Variants in FNDC3B observed in about 807,000 individuals in gnomAD.
FNDC3B encodes the protein fibronectin type III domain-containing protein 3B.
FNDC3B carries 12 observed loss-of-function variants against 151.5 expected under a neutral mutation model. That is an observed-to-expected ratio of 0.08 (90% CI 0.05 to 0.13). The LOEUF is 0.13. FNDC3B is among the 10% of genes least tolerant of loss of function. The pLI is 1.00. For missense variants in FNDC3B, 1,214 were observed against 1,505.3 expected (o/e 0.81, Z 3.20); for synonymous variants, 528 against 549.0 (o/e 0.96, Z 0.54).
intron 3 of FNDC3B, among the ~76,000 whole-genome samples, chr3:172,188,072 T>C (rs184400517): frequency 6.6e-6 from 1 of 150,840 alleles, no homozygotes. Context: ...CTCGGCTCAC[T>C]GCAACCTCCG....
At chr3:172,324,376 C>T (rs1006095782) in intron 11 of FNDC3B, among the ~76,000 whole-genome samples, 1 of 152,118 alleles carries the variant, frequency 6.6e-6, no homozygotes, top group African/African-American at 2.4e-5. Flanking sequence ...TGCTCTCAGG[C>T]TAGGTCTGGG....
At chr3:172,265,898 C>T (rs1289595351) in intron 6 of FNDC3B, among the ~76,000 whole-genome samples, 1 of 152,192 alleles carries the variant, frequency 6.6e-6, no homozygotes, top group East Asian at 1.9e-4. Flanking sequence ...GATGTTCCCT[C>T]AGCATTTCTG....
At chr3:172,390,990 G>A (rs550719258) in intron 25 of FNDC3B, among the ~76,000 whole-genome samples, 6 of 152,184 alleles carry the variant, frequency 3.9e-5, no homozygotes, top group Non-Finnish European at 7.4e-5. Context: ...ACCTGGACCC[G>A]GTGTCACACT....
intron 6 of FNDC3B, among the ~76,000 whole-genome samples, chr3:172,261,662 TG>T (rs956496039): frequency 1.3e-5 from 2 of 152,324 alleles, no homozygotes; most frequent in African/African-American, 4.8e-5. Context: ...GAAAGGTCCC[TG>T]GGAAACAACA....
chr3:172,240,184 T>C (rs139045373), intron 4 of FNDC3B, among the ~76,000 whole-genome samples: 1 of 152,310 alleles, frequency 6.6e-6, no homozygotes, highest in African/African-American at 2.4e-5. Flanking sequence ...TTTTAGTTCT[T>C]ATACACAAAA....
chr3:172,169,307 A>C (rs1723174443), intron 3 of FNDC3B, among the ~76,000 whole-genome samples: 1 of 152,190 alleles, frequency 6.6e-6, no homozygotes, highest in Non-Finnish European at 1.5e-5. Context: ...GGCGCTCCGG[A>C]ATGTGCTGCA....
intron 6 of FNDC3B, among the ~76,000 whole-genome samples, chr3:172,285,078 C>T (rs1467947529): frequency 1.3e-5 from 2 of 152,014 alleles, no homozygotes; most frequent in Non-Finnish European, 2.9e-5. Flanking sequence ...CTAATTATTG[C>T]CCCACCCCCA....
intron 1 of FNDC3B, among the ~76,000 whole-genome samples, chr3:172,093,094 A>T (rs1286485034): frequency 1.6e-4 from 24 of 151,666 alleles, no homozygotes; most frequent in Admixed American, 1.6e-3. Context: ...CTGGGATTAC[A>T]GGCATGAGCC....
rs75676516 is a variant in FNDC3B at position 172,388,247 on chromosome 3, A to G, written c.3303+7154A>G. ...CACCCTTCCCAAAAAGCTCCCTGTTATTTACAGGATTTCAACTATGCAGCA... is the reference window on the plus strand; with the variant it reads ...CACCCTTCCCAAAAAGCTCCCTGTTGTTTACAGGATTTCAACTATGCAGCA... On this transcript the variant is annotated intron_variant, in intron 25 of 25. Transcript: ENST00000415807. Among the ~76,000 whole-genome samples the G allele has an allele frequency of 2.3e-3, 349 of 152,230 alleles. 10 individuals carry two copies. In the East Asian group the frequency reaches 0.04, roughly 17 times the overall value.
At chr3:172,221,771 G>T (rs944344175) in intron 3 of FNDC3B, among the ~76,000 whole-genome samples, 1 of 152,038 alleles carries the variant, frequency 6.6e-6, no homozygotes, top group Non-Finnish European at 1.5e-5. Context: ...CACCATGAAT[G>T]ATTGCAGATT....
chr3:172,368,779 G>A (rs903486635), intron 23 of FNDC3B, among the ~76,000 whole-genome samples: 5 of 152,190 alleles, frequency 3.3e-5, no homozygotes, highest in East Asian at 1.9e-4. Context: ...GGAAGGCCGA[G>A]GCAGATGCGT....
intron 23 of FNDC3B, among the ~76,000 whole-genome samples, chr3:172,367,604 G>A (rs146205317): frequency 6.6e-6 from 1 of 152,302 alleles, no homozygotes; most frequent in Non-Finnish European, 1.5e-5. Flanking sequence ...TGCATTTTAA[G>A]ATTGTAGCAC....
intron 2 of FNDC3B, among the ~76,000 whole-genome samples, chr3:172,114,746 G>A (rs978866679): frequency 1.3e-5 from 2 of 151,988 alleles, no homozygotes; most frequent in Non-Finnish European, 2.9e-5. Context: ...ACAAAAACCC[G>A]CATTTTTATT....
chr3:172,247,970 C>A (rs149695469), intron 5 of FNDC3B, among the ~76,000 whole-genome samples, 194 bp downstream of exon 5: 111 of 152,208 alleles, frequency 7.3e-4, no homozygotes, highest in African/African-American at 2.0e-3. Flanking sequence ...GGGTTTAGTT[C>A]TTTTTCTTTC....
chr3:172,287,336 G>C (rs1473122269), intron 7 of FNDC3B, among the ~76,000 whole-genome samples: 1 of 152,192 alleles, frequency 6.6e-6, no homozygotes, highest in Admixed American at 6.5e-5. Context: ...ACTCTGGAAA[G>C]ATAGATACAG....
chr3:172,280,007 C>T (rs1170761235), intron 6 of FNDC3B, among the ~76,000 whole-genome samples: 1 of 152,080 alleles, frequency 6.6e-6, no homozygotes, highest in East Asian at 1.9e-4. Flanking sequence ...TTCAACTCCT[C>T]GGGTTCTAGC....
At chr3:172,064,948 T>A (rs146867148) in intron 1 of FNDC3B, among the ~76,000 whole-genome samples, 2 of 152,342 alleles carry the variant, frequency 1.3e-5, no homozygotes, top group African/African-American at 4.8e-5. Flanking sequence ...CCATTGATCC[T>A]GAGTTCACCT....
chr3:172,074,992 T>C (rs1236693756), intron 1 of FNDC3B, among the ~76,000 whole-genome samples: 1 of 152,254 alleles, frequency 6.6e-6, no homozygotes, highest in Non-Finnish European at 1.5e-5. Context: ...TTTGAACTTC[T>C]TGATTTTAGT....
intron 3 of FNDC3B, among the ~76,000 whole-genome samples, chr3:172,160,766 A>G (rs993394847): frequency 2.0e-5 from 3 of 152,258 alleles, no homozygotes; most frequent in African/African-American, 7.2e-5. Context: ...AAAAATAAAG[A>G]TGCTGCATAA....
Sources: allele counts gnomAD v4.1 joint callset (sites outside exome capture counted in the v4.1 genomes callset), GRCh38; gene constraint gnomAD v4.1.1; transcripts MANE v1.5; gene names NCBI Gene and HGNC (gene_info 2026-07-23, HGNC 2026-07-21).